Variants in DLC1 observed in about 807,000 individuals in gnomAD.
DLC1 encodes rho GTPase-activating protein 7.
Under a neutral mutation model 140.3 loss-of-function variants are expected in DLC1, and 54 were observed. The ratio of observed to expected loss-of-function variants is 0.38; its 90% CI spans 0.31 to 0.48. The LOEUF (loss-of-function observed/expected upper bound fraction) is 0.48, where lower values mean the gene tolerates loss of function less well. DLC1 is among the 20% of genes least tolerant of loss of function. The pLI is 0.96. For missense variants in DLC1, 2,536 were observed against 1,907.0 expected, an observed-to-expected ratio of 1.33 and a Z score of -6.14; for synonymous variants, 986 against 728.1, an observed-to-expected ratio of 1.35 and a Z score of -5.70.
chr8:13,154,116 C>G (rs1333382722), intron 5 of DLC1, among the ~76,000 whole-genome samples: 1 of 152,232 alleles, frequency 6.6e-6, no homozygotes, highest in Non-Finnish European at 1.5e-5. Context: ...GTTTACAATC[C>G]TTTAGCTAGA....
chr8:13,249,369 C>T (rs574288902), intron 5 of DLC1, among the ~76,000 whole-genome samples: 3 of 152,168 alleles, frequency 2.0e-5, no homozygotes, highest in Admixed American at 6.5e-5. Flanking sequence ...TGAGCCACCA[C>T]GTCCGGCCAC....
At chr8:13,578,651 A>T (rs1350363940) in intron 1 of DLC1, among the ~76,000 whole-genome samples, 1 of 152,186 alleles carries the variant, frequency 6.6e-6, no homozygotes, top group Non-Finnish European at 1.5e-5. Flanking sequence ...AGAGCAGCTC[A>T]CAGAGCTTAG....
Position 13,406,878 on chromosome 8 carries a change from A to C in DLC1, c.1024-5259T>G, listed in dbSNP as rs112165500. ...ACAGTCTGCTTTTTTAATGAGGAAA[A>C]AGTATTTAGCTGACTGTGAGCTGAA... On this transcript the variant is annotated intron_variant, in intron 2 of 17. Transcript: ENST00000276297. Among the ~76,000 whole-genome samples, 242 of 152,220 alleles carry C rather than the reference A, an allele frequency of 1.6e-3. 2 individuals are homozygous for C. Among genetic ancestry groups the C allele is most frequent in the African/African-American group, 5.5e-3 (229 of 41,546 alleles).
At position 13,487,903 on chromosome 8, in the gene DLC1, G is replaced by A. The variant is rs151029335; in HGVS notation, c.1023+11146C>T. Reference sequence around the variant, plus strand: ...CTCTTGTTTTACACTTAAAGAAGGCGATCATTGATATTTTACATTTTATCA... The same window carrying A: ...CTCTTGTTTTACACTTAAAGAAGGCAATCATTGATATTTTACATTTTATCA... On this transcript the variant is annotated intron_variant, in intron 2 of 17. Transcript: ENST00000276297. Among the ~76,000 whole-genome samples, 1,117 of 152,242 alleles carry A rather than the reference G, an allele frequency of 7.3e-3. 21 individuals are homozygous for A. The highest frequency in any genetic ancestry group is 0.024 in the African/African-American group (1,015 of 41,568).
At position 13,514,718 on chromosome 8, in the gene DLC1, C is replaced by A; in HGVS notation, c.-242G>T. On this transcript the variant is annotated 5_prime_UTR_variant, in exon 1 of 18. It removes an upstream start codon present in the reference 5' UTR. Transcript: ENST00000276297. ...TAAGTTCCCATTTCGTGGTTGAGAT[C>A]ATGGCTCTATTCTGAGCAGTTTCAC... 2.5e-6 allele frequency: 1 copy of A among 398,394 alleles called. No individual in the cohort carries two copies. Among genetic ancestry groups the A allele is most frequent in the South Asian group, 1.3e-4 (1 of 7,840 alleles). The allele number at this position is 398,394 out of a possible 1,614,324, so 24.7% of individuals were successfully genotyped here. A position where few individuals can be genotyped will look rare whatever the true frequency, so the allele number is the denominator to read the frequency against.
At chr8:13,535,484 A>G (rs910054404) in intron 1 of DLC1, among the ~76,000 whole-genome samples, 1 of 152,072 alleles carries the variant, frequency 6.6e-6, no homozygotes, top group Non-Finnish European at 1.5e-5. Flanking sequence ...TTGAATAGAT[A>G]TCTCCAGAAA....
intron 5 of DLC1, among the ~76,000 whole-genome samples, chr8:13,217,678 C>T (rs1205464998): frequency 1.4e-5 from 2 of 147,986 alleles, no homozygotes; most frequent in East Asian, 2.0e-4. Flanking sequence ...ACTAAAAATA[C>T]AAAAAAAAAA....
At chr8:13,411,298 A>G (rs1325154596) in intron 2 of DLC1, among the ~76,000 whole-genome samples, 1 of 152,234 alleles carries the variant, frequency 6.6e-6, no homozygotes, top group Non-Finnish European at 1.5e-5. Flanking sequence ...ACTAAGTGAA[A>G]GAAGTCAGTC....
chr8:13,479,067 A>C (rs1408814235), intron 2 of DLC1, among the ~76,000 whole-genome samples: 2 of 152,150 alleles, frequency 1.3e-5, no homozygotes, highest in African/African-American at 4.8e-5. Flanking sequence ...TTATTAGTTC[A>C]TTCCACCCCT....
chr8:13,443,751 C>G (rs1200322498), intron 2 of DLC1, among the ~76,000 whole-genome samples: 1 of 151,490 alleles, frequency 6.6e-6, no homozygotes, highest in African/African-American at 2.4e-5. Flanking sequence ...TTCTCTGTTA[C>G]AATACTTTCC....
Position 13,550,534 on chromosome 8 carries a change from A to G in DLC1, c.-125-50338T>C, listed in dbSNP as rs1422519845. ...GTCAAAAGGAAGGTAAGTCTCACTCATACCCCATAGTAAAGAAATATATAC... is the reference window on the plus strand; with the variant it reads ...GTCAAAAGGAAGGTAAGTCTCACTCGTACCCCATAGTAAAGAAATATATAC... On this transcript the variant is annotated intron_variant, in intron 1 of 1. Coordinates refer to the DLC1 transcript ENST00000631382. Among the ~76,000 whole-genome samples the G allele has an allele frequency of 3.3e-5, 5 of 152,306 alleles. No homozygotes were observed. In the South Asian group the frequency reaches 8.3e-4, roughly 25 times the overall value.
intron 15 of DLC1, among the ~76,000 whole-genome samples, chr8:13,090,036 T>C (rs1415330700): frequency 1.3e-5 from 2 of 152,182 alleles, no homozygotes; most frequent in African/African-American, 4.8e-5. Context: ...ATAGTTGAAA[T>C]CCTCTCCCAA....
At chr8:13,353,213 G>A (rs1327489024) in intron 4 of DLC1, among the ~76,000 whole-genome samples, 1 of 152,148 alleles carries the variant, frequency 6.6e-6, no homozygotes, top group Non-Finnish European at 1.5e-5. Flanking sequence ...CTTGCAAGAC[G>A]AACACCCAGG....
At chr8:13,500,552 G>A (rs1801768365) in intron 1 of DLC1, among the ~76,000 whole-genome samples, 1 of 152,172 alleles carries the variant, frequency 6.6e-6, no homozygotes, top group Admixed American at 6.5e-5. Context: ...TGGCTTGCAT[G>A]TTTTCCTGAT....
At chr8:13,272,644 G>A (rs181902665) in intron 5 of DLC1, among the ~76,000 whole-genome samples, 9 of 152,148 alleles carry the variant, frequency 5.9e-5, no homozygotes, top group Admixed American at 1.3e-4. Flanking sequence ...GTCGGATCAC[G>A]AGGTCAAGAG....
At chr8:13,594,414 G>A (rs1354511260) in intron 1 of DLC1, among the ~76,000 whole-genome samples, 3 of 151,968 alleles carry the variant, frequency 2.0e-5, no homozygotes, top group Non-Finnish European at 1.5e-5. Flanking sequence ...GTGAGGCAAC[G>A]TAATTCCTTG....
intron 2 of DLC1, among the ~76,000 whole-genome samples, chr8:13,449,484 T>C (rs549313490): frequency 6.2e-4 from 94 of 152,276 alleles, no homozygotes; most frequent in Non-Finnish European, 1.2e-3. Context: ...GGATGCATCA[T>C]TGGCAAACAC....
intron 5 of DLC1, among the ~76,000 whole-genome samples, chr8:13,286,684 A>G (rs1831546273): frequency 6.6e-6 from 1 of 151,764 alleles, no homozygotes; most frequent in Non-Finnish European, 1.5e-5. Context: ...TCTCTCTGAT[A>G]GCCAAAAACC....
chr8:13,491,579 T>A (rs1410578357), intron 2 of DLC1, among the ~76,000 whole-genome samples: 4 of 152,234 alleles, frequency 2.6e-5, no homozygotes, highest in African/African-American at 7.2e-5. Flanking sequence ...CAACTAAGTA[T>A]CTTCGGGATA....
Sources: gnomAD v4.1 joint callset for allele counts (sites outside exome capture counted in the v4.1 genomes callset) on GRCh38, gnomAD v4.1.1 for gene constraint, MANE v1.5 for transcripts, NCBI Gene and HGNC (gene_info 2026-07-23, HGNC 2026-07-21) for gene names.